The following ATP2C1 variants were observed in gnomAD, a reference collection of about 807,000 sequenced individuals.
The protein encoded by ATP2C1 is calcium-transporting ATPase type 2C member 1.
In ATP2C1, 31 loss-of-function variants were observed where a neutral mutation model predicts 120.5. The ratio of observed to expected loss-of-function variants is 0.26; its 90% CI spans 0.19 to 0.35. The LOEUF (loss-of-function observed/expected upper bound fraction) is 0.35. Ranked by LOEUF, ATP2C1 falls within the 10% of genes least tolerant of loss-of-function variation. ATP2C1 has a pLI of 1.00. For missense variants in ATP2C1, 731 were observed against 1,107.5 expected, an observed-to-expected ratio of 0.66 and a Z score of 4.83; for synonymous variants, 351 against 358.7, an observed-to-expected ratio of 0.98 and a Z score of 0.24.
intron 1 of ATP2C1, among the ~76,000 whole-genome samples, chr3:130,877,303 G>T (rs979029097): frequency 2.0e-5 from 3 of 152,116 alleles, no homozygotes; most frequent in African/African-American, 7.2e-5. Flanking sequence ...TCTTTCAATT[G>T]GGGGGATTTA....
At chr3:130,867,708 C>G (rs1318739530) in intron 1 of ATP2C1, among the ~76,000 whole-genome samples, 3 of 147,512 alleles carry the variant, frequency 2.0e-5, no homozygotes, top group African/African-American at 7.6e-5. Flanking sequence ...TGCCCGGCCG[C>G]CACCCCGTCT....
intron 20 of ATP2C1, among the ~76,000 whole-genome samples, chr3:130,982,990 T>G (rs974899143): frequency 1.3e-5 from 2 of 152,182 alleles, no homozygotes; most frequent in Non-Finnish European, 2.9e-5. Flanking sequence ...TCATTTTACA[T>G]AACTTTGGCA....
chr3:130,890,479 A>G (rs1286800990), upstream of ATP2C1, among the ~76,000 whole-genome samples: 1 of 152,258 alleles, frequency 6.6e-6, no homozygotes, highest in Non-Finnish European at 1.5e-5. Flanking sequence ...CTTTAACAAT[A>G]AAAATTAAGA....
chr3:130,902,670 G>A (rs1040963538), intron 2 of ATP2C1, among the ~76,000 whole-genome samples: 5 of 151,810 alleles, frequency 3.3e-5, no homozygotes, highest in African/African-American at 9.7e-5. Context: ...GACCTCCTAT[G>A]TCTATTGCCT....
At chr3:130,912,404 A>G (rs1157742871) in intron 2 of ATP2C1, among the ~76,000 whole-genome samples, 2 of 150,002 alleles carry the variant, frequency 1.3e-5, no homozygotes, top group Admixed American at 6.6e-5. Context: ...ACCAATTTAC[A>G]AGAAAAAAAC....
intron 25 of ATP2C1, 76 bp from the exon 26 acceptor site, chr3:130,998,218 T>C (rs1457793505): frequency 2.0e-6 from 2 of 993,230 alleles, no homozygotes; most frequent in East Asian, 2.5e-5. Context: ...AGAAAATGTT[T>C]ATATTTTTTA....
chr3:130,907,695 C>G (rs1308670240), intron 2 of ATP2C1, among the ~76,000 whole-genome samples: 1 of 148,096 alleles, frequency 6.8e-6, no homozygotes, highest in African/African-American at 2.5e-5. Context: ...AATTTTGAAA[C>G]TGGAAGTGTG....
At chr3:130,989,837 A>G (rs1199145746) in intron 20 of ATP2C1, among the ~76,000 whole-genome samples, 2 of 152,220 alleles carry the variant, frequency 1.3e-5, no homozygotes, top group Non-Finnish European at 2.9e-5. Flanking sequence ...TGTGTGCTAC[A>G]TGATTAATTT....
chr3:130,911,521 A>G (rs2058411405), intron 2 of ATP2C1, among the ~76,000 whole-genome samples: 1 of 150,632 alleles, frequency 6.6e-6, no homozygotes. Flanking sequence ...TTGCTTTTCT[A>G]GTTCTTTTAA....
At chr3:131,008,678 C>CATTTAGATATTTAATTAGAT (rs1200018629) in intron 26 of ATP2C1, among the ~76,000 whole-genome samples, 1 of 152,094 alleles carries the variant, frequency 6.6e-6, no homozygotes, top group African/African-American at 2.4e-5. Flanking sequence ...TTTGCCTACT[C>CATTTAGATATTTAATTAGAT]ATTTAGATAT....
chr3:130,921,437 A>G (rs2058963288), intron 2 of ATP2C1, among the ~76,000 whole-genome samples: 1 of 151,948 alleles, frequency 6.6e-6, no homozygotes, highest in Non-Finnish European at 1.5e-5. Flanking sequence ...TTTTTATTTT[A>G]TTAAGCATTT....
rs753205500 is a variant in ATP2C1 at position 131,001,370 on chromosome 3, T to G, written c.*20T>G. On this transcript the variant is annotated 3_prime_UTR_variant, in exon 28 of 28. Transcript: ENST00000510168. ...GTATGATGCATATTGCATTATTTTATTTGCAAACTAGGAATTGCAGTCTGA... is the reference window on the plus strand; with the variant it reads ...GTATGATGCATATTGCATTATTTTAGTTGCAAACTAGGAATTGCAGTCTGA... The G allele has an allele frequency of 1.8e-5, 29 of 1,610,840 alleles. No homozygotes were observed. The highest frequency in any genetic ancestry group is 3.3e-5 in the Admixed American group (2 of 59,886).
chr3:130,920,333 A>C (rs1221627304), intron 2 of ATP2C1, among the ~76,000 whole-genome samples: 1 of 152,160 alleles, frequency 6.6e-6, no homozygotes, highest in African/African-American at 2.4e-5. Flanking sequence ...GGTTTATTAA[A>C]TCATTTTCAG....
Position 131,014,259 on chromosome 3 carries a change from G to A in ATP2C1, c.2630-1893G>A, listed in dbSNP as rs947023459. On this transcript the variant is annotated intron_variant, in intron 26 of 26. Transcript: ENST00000328560. ...TAGGAATATTTCAGCGGGGGCATAT[G>A]ACCTTGTGGCATTGAATAGATATTC... The A allele has an allele frequency of 4.3e-6, 7 of 1,613,636 alleles. No homozygotes were observed. The African/African-American group carries it at 8.0e-5, about 18-fold the overall frequency.
chr3:130,894,794 C>T lies in ATP2C1; in HGVS notation c.6+19C>T. On this transcript the variant is annotated intron_variant, in intron 2 of 27. Coordinates refer to ENST00000510168, the MANE Select transcript of ATP2C1 (RefSeq NM_001378687.1). This position sits in a 1 kb window ranked among gnomAD's most constrained non-coding sequence, Gnocchi z 4.5. ...AATGAAGGTAAAGGCCCCTGGCCGA[C>T]CGGTTGCAACGCGGAGTTGAGGGTG... is the stretch of plus-strand genomic sequence containing the variant. The T allele has an allele frequency of 1.9e-6, 3 of 1,610,778 alleles. No homozygotes were observed. Among genetic ancestry groups the T allele is most frequent in the Non-Finnish European group, 2.5e-6 (3 of 1,176,842 alleles).
intron 1 of ATP2C1, among the ~76,000 whole-genome samples, chr3:130,862,231 C>T (rs1293954515): frequency 1.3e-5 from 2 of 151,458 alleles, no homozygotes; most frequent in African/African-American, 4.8e-5. Flanking sequence ...GATCCCTACT[C>T]CTTGGCCTCC....
At chr3:130,908,309 C>T (rs1377063789) in intron 2 of ATP2C1, among the ~76,000 whole-genome samples, 14 of 151,890 alleles carry the variant, frequency 9.2e-5, no homozygotes, top group Non-Finnish European at 2.9e-5. Flanking sequence ...AGGAGTCAGC[C>T]TAAATATCAT....
intron 20 of ATP2C1, among the ~76,000 whole-genome samples, chr3:130,987,480 G>T (rs1239464539): frequency 6.6e-6 from 1 of 151,956 alleles, no homozygotes; most frequent in Non-Finnish European, 1.5e-5. Context: ...ACTGGCATAT[G>T]CCACCATGCC....
At chr3:130,985,989 A>G (rs944564297) in intron 20 of ATP2C1, among the ~76,000 whole-genome samples, 1 of 152,034 alleles carries the variant, frequency 6.6e-6, no homozygotes, top group Non-Finnish European at 1.5e-5. Context: ...AGGAGTTTAG[A>G]CTTTAGGGAT....
Sources: gnomAD v4.1 joint callset for allele counts (sites outside exome capture counted in the v4.1 genomes callset) on GRCh38, gnomAD v4.1.1 for gene constraint, Gnocchi (gnomAD v3.1) non-coding constraint, MANE v1.5 for transcripts, NCBI Gene and HGNC (gene_info 2026-07-23, HGNC 2026-07-21) for gene names.